The following EPHA6 variants were observed in gnomAD, a reference collection of about 807,000 sequenced individuals.
EPHA6 encodes the protein ephrin type-A receptor 6.
EPHA6 carries 50 observed loss-of-function variants against 112.0 expected under a neutral mutation model. The observed-to-expected ratio is 0.45, with a 90% CI of 0.36 to 0.56. The LOEUF (loss-of-function observed/expected upper bound fraction) is 0.56, where lower values mean the gene tolerates loss of function less well. Among genes scored for constraint, EPHA6 ranks in the 20% least tolerant of loss-of-function variants. EPHA6 has a pLI of 0.00. For missense variants in EPHA6, 1,280 were observed against 1,417.4 expected (o/e 0.90, Z 1.56); for synonymous variants, 529 against 490.7 (o/e 1.08, Z -1.03).
intron 2 of EPHA6, among the ~76,000 whole-genome samples, chr3:96,959,433 AT>A (rs572083417): frequency 2.6e-5 from 4 of 151,558 alleles, no homozygotes; most frequent in Non-Finnish European, 4.4e-5. Flanking sequence ...ATGAATAACA[AT>A]TTTTTTTTCT....
intron 3 of EPHA6, among the ~76,000 whole-genome samples, chr3:97,057,607 A>T (rs774212334): frequency 1.6e-4 from 25 of 152,340 alleles, no homozygotes; most frequent in Admixed American, 7.2e-4. Flanking sequence ...GAGTAAAAGT[A>T]TCAGGAGAGT....
chr3:96,952,627 T>C (rs1024490865), intron 2 of EPHA6, among the ~76,000 whole-genome samples: 5 of 152,214 alleles, frequency 3.3e-5, no homozygotes, highest in African/African-American at 9.6e-5. Flanking sequence ...CTCAATATTG[T>C]TATAGCAACT....
intron 3 of EPHA6, among the ~76,000 whole-genome samples, chr3:96,990,969 G>A (rs1219226922): frequency 2.0e-5 from 3 of 150,934 alleles, no homozygotes; most frequent in African/African-American, 7.4e-5. Flanking sequence ...TCTATTCTGT[G>A]TAAACAATTA....
At chr3:97,122,517 G>A (rs892974023) in intron 3 of EPHA6, among the ~76,000 whole-genome samples, 8 of 151,892 alleles carry the variant, frequency 5.3e-5, no homozygotes, top group African/African-American at 1.9e-4. Context: ...AAATCAAAAT[G>A]TATTTTAATA....
chr3:97,269,569 C>T (rs2079812854), intron 5 of EPHA6, among the ~76,000 whole-genome samples: 1 of 152,150 alleles, frequency 6.6e-6, no homozygotes, highest in African/African-American at 2.4e-5. Flanking sequence ...AATGTTTAAC[C>T]CTGGCTACAC....
At chr3:97,250,928 A>G (rs113248834) in intron 5 of EPHA6, among the ~76,000 whole-genome samples, 1,893 of 150,416 alleles carry the variant, frequency 0.013, 42 homozygotes, top group African/African-American at 0.043. Context: ...GTGCAGTGTC[A>G]TGGTCTTGGC....
intron 14 of EPHA6, among the ~76,000 whole-genome samples, chr3:97,701,977 T>G (rs1266798434): frequency 3.3e-5 from 5 of 152,160 alleles, no homozygotes; most frequent in Admixed American, 1.3e-4. Context: ...TCCTGACAAC[T>G]GGCAAGAGTA....
intron 4 of EPHA6, among the ~76,000 whole-genome samples, chr3:97,243,629 T>C (rs2078909440): frequency 6.6e-6 from 1 of 151,902 alleles, no homozygotes; most frequent in Non-Finnish European, 1.5e-5. Flanking sequence ...AGCCATCACA[T>C]AATTTAAAAT....
intron 5 of EPHA6, among the ~76,000 whole-genome samples, chr3:97,330,686 G>T (rs1170862214): frequency 1.3e-5 from 2 of 152,050 alleles, no homozygotes; most frequent in African/African-American, 4.8e-5. Context: ...AATTCAACAA[G>T]AAGAGCTAAC....
chr3:97,510,434 C>T (rs2092342948), intron 10 of EPHA6, among the ~76,000 whole-genome samples: 3 of 152,196 alleles, frequency 2.0e-5, no homozygotes, highest in Admixed American at 1.3e-4. Context: ...TTCCTTCTAG[C>T]AGTCAGGCCC....
chr3:97,625,127 A>C (rs547747960), intron 13 of EPHA6, among the ~76,000 whole-genome samples: 4 of 151,364 alleles, frequency 2.6e-5, no homozygotes, highest in Non-Finnish European at 4.4e-5. Context: ...TTACGTTGTT[A>C]AGGTAGGTTG....
At position 97,269,064 on chromosome 3, in the gene EPHA6, A is replaced by C. The variant is rs1477155557; in HGVS notation, c.1606+24777A>C. On this transcript the variant is annotated intron_variant, in intron 5 of 17. Coordinates refer to ENST00000389672, the MANE Select transcript of EPHA6 (RefSeq NM_001080448.3). ...AATAAATGGTTTTGTAAGGAAATCA[A>C]AACTCAGAGCAGCATTCCCTGAGAC... 2.0e-5 allele frequency among the ~76,000 whole-genome samples: 3 copies of C among 152,312 alleles called. No homozygotes were observed. In the East Asian group the frequency reaches 5.8e-4, roughly 29 times the overall value.
In EPHA6 at chr3:97,512,221, A is replaced by T. The variant is rs185410488; in HGVS notation, c.2201-20137A>T. Reference sequence around the variant, plus strand: ...GGAGAATAAATAAGATCACATTAAAATGTCAACAATTCTCAATCATGGTTT... The same window carrying T: ...GGAGAATAAATAAGATCACATTAAATTGTCAACAATTCTCAATCATGGTTT... On this transcript the variant is annotated intron_variant, in intron 10 of 17. Transcript: ENST00000389672. 2.1e-3 allele frequency among the ~76,000 whole-genome samples: 325 copies of T among 152,296 alleles called. 2 individuals carry two copies. The highest frequency in any genetic ancestry group is 7.2e-3 in the African/African-American group (301 of 41,570).
intron 3 of EPHA6, among the ~76,000 whole-genome samples, chr3:97,153,439 G>A (rs995364850): frequency 2.6e-5 from 4 of 152,032 alleles, no homozygotes; most frequent in Admixed American, 2.6e-4. Context: ...TAATATAAAA[G>A]CAAAGTGATG....
rs143139708 is a variant in EPHA6 at position 97,106,769 on chromosome 3, C to T, written c.1114+118776C>T. Among the ~76,000 whole-genome samples the T allele has an allele frequency of 3.3e-3, 509 of 152,238 alleles. 2 individuals are homozygous for T. The highest frequency in any genetic ancestry group is 0.031 in the Middle Eastern group (9 of 294). Reference sequence around the variant, plus strand: ...TCACTGAGACTTACTGCCGAGGGGTCGGAGCCCCAAAACCTGCCTGTATGC... The same window carrying T: ...TCACTGAGACTTACTGCCGAGGGGTTGGAGCCCCAAAACCTGCCTGTATGC... On this transcript the variant is annotated intron_variant, in intron 3 of 17. Transcript: ENST00000389672.
At chr3:97,578,073 A>T (rs2093404123) in intron 11 of EPHA6, among the ~76,000 whole-genome samples, 1 of 152,242 alleles carries the variant, frequency 6.6e-6, no homozygotes, top group Non-Finnish European at 1.5e-5. Context: ...AGATAGAGTC[A>T]TCAGAGGATA....
chr3:96,918,746 G>A (rs549933531), intron 2 of EPHA6, among the ~76,000 whole-genome samples: 1 of 151,900 alleles, frequency 6.6e-6, no homozygotes, highest in Non-Finnish European at 1.5e-5. Flanking sequence ...AATGCTTGAG[G>A]TATGTGCTAG....
At chr3:97,380,147 G>T (rs1017480436) in intron 5 of EPHA6, among the ~76,000 whole-genome samples, 1 of 152,110 alleles carries the variant, frequency 6.6e-6, no homozygotes, top group Non-Finnish European at 1.5e-5. Flanking sequence ...TCTGTCTGCA[G>T]AATTAAAAGA....
chr3:96,988,091 G>A (rs1289089061), intron 3 of EPHA6, 98 bp downstream of exon 3: 5 of 922,716 alleles, frequency 5.4e-6, no homozygotes, highest in South Asian at 2.0e-5. Context: ...CATATTCATG[G>A]GTGTGTAGTA....
Sources: gnomAD v4.1 joint callset for allele counts (sites outside exome capture counted in the v4.1 genomes callset) on GRCh38, gnomAD v4.1.1 for gene constraint, MANE v1.5 for transcripts, NCBI Gene and HGNC (gene_info 2026-07-23, HGNC 2026-07-21) for gene names.